Variants in RALGAPA1 observed in about 807,000 individuals in gnomAD.
RALGAPA1 encodes ral GTPase-activating protein subunit alpha-1.
Under a neutral mutation model 269.6 loss-of-function variants are expected in RALGAPA1, and 52 were observed. The observed-to-expected ratio is 0.19, with a 90% CI of 0.15 to 0.24. The LOEUF (loss-of-function observed/expected upper bound fraction) is 0.24, where lower values mean the gene tolerates loss of function less well. Among genes scored for constraint, RALGAPA1 ranks in the 10% least tolerant of loss-of-function variants. The pLI is 1.00. For synonymous variants in RALGAPA1, 817 were observed against 1,008.3 expected (o/e 0.81, Z 3.60); for missense variants, 1,917 against 3,013.9 (o/e 0.64, Z 8.52).
intron 31 of RALGAPA1, among the ~76,000 whole-genome samples, chr14:35,641,558 A>G (rs1380740456): frequency 6.6e-6 from 1 of 152,234 alleles, no homozygotes; most frequent in African/African-American, 2.4e-5. Context: ...GATTTCTACA[A>G]TAAAAACTGT....
intron 1 of RALGAPA1, among the ~76,000 whole-genome samples, chr14:35,779,679 A>C (rs866730462): frequency 1.9e-4 from 29 of 152,258 alleles, no homozygotes; most frequent in African/African-American, 6.5e-4. Flanking sequence ...GAACAATAAC[A>C]AAGCAAACCA....
At chr14:35,713,956 G>A (rs777685725) in intron 16 of RALGAPA1, among the ~76,000 whole-genome samples, 5 of 151,978 alleles carry the variant, frequency 3.3e-5, no homozygotes, top group Middle Eastern at 3.2e-3. Flanking sequence ...TTAGCCAGGC[G>A]TGGTGGCAGG....
chr14:35,750,791 T>G (rs2072610322), intron 8 of RALGAPA1, 101 bp from the exon 9 acceptor site: 2 of 1,027,744 alleles, frequency 1.9e-6, no homozygotes, highest in Admixed American at 5.4e-5. Flanking sequence ...GTTATGCTAC[T>G]CTGGTTTCAG....
At position 35,705,506 on chromosome 14, in the gene RALGAPA1, T is replaced by C. The variant is rs991570724; in HGVS notation, c.2267-5204A>G. On this transcript the variant is annotated intron_variant, in intron 16 of 41. Coordinates refer to ENST00000680220, the MANE Select transcript of RALGAPA1 (RefSeq NM_001346249.2). ...TTTCTTCATGTTTTTTTTTTCATGGTCTGAAAGCTCATTTCTTTTTATCAT... is the reference window on the plus strand; with the variant it reads ...TTTCTTCATGTTTTTTTTTTCATGGCCTGAAAGCTCATTTCTTTTTATCAT... 3.3e-5 allele frequency among the ~76,000 whole-genome samples: 5 copies of C among 152,112 alleles called. No homozygotes were observed. In the East Asian group the frequency reaches 9.6e-4, roughly 29 times the overall value.
intron 16 of RALGAPA1, among the ~76,000 whole-genome samples, chr14:35,717,198 T>G (rs1050992353): frequency 6.6e-6 from 1 of 152,238 alleles, no homozygotes; most frequent in African/African-American, 2.4e-5. Context: ...TTGCCCAAGC[T>G]GGAGTGCAAT....
intron 13 of RALGAPA1, among the ~76,000 whole-genome samples, chr14:35,725,678 G>A: frequency 6.6e-6 from 1 of 151,354 alleles, no homozygotes; most frequent in East Asian, 1.9e-4. Flanking sequence ...AGAAGCCTGG[G>A]CAACACAGCA....
intron 18 of RALGAPA1, among the ~76,000 whole-genome samples, chr14:35,687,481 C>G (rs1306689481): frequency 6.6e-6 from 1 of 152,144 alleles, no homozygotes; most frequent in Non-Finnish European, 1.5e-5. Flanking sequence ...CTTTATATTA[C>G]TGGCCAGGCT....
intron 35 of RALGAPA1, among the ~76,000 whole-genome samples, chr14:35,612,405 T>C (rs1398585332): frequency 1.3e-5 from 2 of 149,872 alleles, no homozygotes; most frequent in East Asian, 3.9e-4. Flanking sequence ...GTCAGACTCT[T>C]CCACCATATA....
At chr14:35,708,606 T>C (rs2068018068) in intron 16 of RALGAPA1, among the ~76,000 whole-genome samples, 1 of 152,166 alleles carries the variant, frequency 6.6e-6, no homozygotes, top group South Asian at 2.1e-4. Flanking sequence ...TAACAAATGC[T>C]GGCCAGGATG....
chr14:35,766,459 G>T, intron 4 of RALGAPA1: 3 of 1,557,368 alleles, frequency 1.9e-6, no homozygotes, highest in Non-Finnish European at 2.6e-6. Context: ...GAGTCTGAGG[G>T]GGCCAAAGCA....
At chr14:35,757,039 C>T (rs1229867601) in intron 6 of RALGAPA1, 131 bp from the exon 7 acceptor site, 1 of 559,242 alleles carries the variant, frequency 1.8e-6, no homozygotes, top group African/African-American at 2.0e-5. Context: ...ATGACTGATC[C>T]TTGAAATAAA....
chr14:35,637,661 T>C (rs1313822086), intron 31 of RALGAPA1, among the ~76,000 whole-genome samples: 1 of 152,094 alleles, frequency 6.6e-6, no homozygotes, highest in Non-Finnish European at 1.5e-5. Flanking sequence ...TTAAGAAGGA[T>C]AAAAACATAG....
intron 37 of RALGAPA1, among the ~76,000 whole-genome samples, chr14:35,594,418 T>C (rs971411616): frequency 7.9e-5 from 12 of 152,044 alleles, no homozygotes; most frequent in Admixed American, 7.9e-4. Flanking sequence ...TATAAGTCAA[T>C]AGCAGAAAAG....
chr14:35,548,579 A>C (rs1329955689), intron 40 of RALGAPA1, 41 bp from the exon 41 acceptor site: 1 of 1,385,886 alleles, frequency 7.2e-7, no homozygotes, highest in South Asian at 1.3e-5. Flanking sequence ...AAGGAGAGCA[A>C]GATATTACAG....
At chr14:35,555,897 T>C (rs534011185) in intron 39 of RALGAPA1, among the ~76,000 whole-genome samples, 7 of 152,350 alleles carry the variant, frequency 4.6e-5, no homozygotes, top group Non-Finnish European at 1.0e-4. Flanking sequence ...CTTTTAGTTA[T>C]GTCAAAATAA....
At chr14:35,801,062 TAA>T (rs34303502) in intron 1 of RALGAPA1, among the ~76,000 whole-genome samples, 1,596 of 114,170 alleles carry the variant, frequency 0.014, 14 homozygotes, top group South Asian at 0.029. Context: ...AGACATCAAT[TAA>T]AAAAAAAAAA....
At chr14:35,697,405 G>A (rs1198252579) in intron 17 of RALGAPA1, among the ~76,000 whole-genome samples, 1 of 151,686 alleles carries the variant, frequency 6.6e-6, no homozygotes, top group Non-Finnish European at 1.5e-5. Flanking sequence ...GGAGTGCAGT[G>A]GGCGATCTCG....
chr14:35,766,212 T>C (rs2074130522), intron 4 of RALGAPA1: 1 of 821,340 alleles, frequency 1.2e-6, no homozygotes, highest in Non-Finnish European at 2.2e-6. Context: ...CCTGGAGGAT[T>C]TGATGGAAGT....
chr14:35,626,985 T>A, intron 34 of RALGAPA1, 105 bp downstream of exon 34: 1 of 1,142,916 alleles, frequency 8.7e-7, no homozygotes. Flanking sequence ...AACTAATTGG[T>A]AGATAAAATT....
Sources: allele counts gnomAD v4.1 joint callset (sites outside exome capture counted in the v4.1 genomes callset), GRCh38; gene constraint gnomAD v4.1.1; transcripts MANE v1.5; gene names NCBI Gene and HGNC (gene_info 2026-07-23, HGNC 2026-07-21).